The following PAFAH2 variants were observed in gnomAD, a reference collection of about 807,000 sequenced individuals.
PAFAH2 encodes the protein platelet-activating factor acetylhydrolase 2, cytoplasmic.
A neutral mutation model predicts 49.0 loss-of-function variants in PAFAH2; 42 were observed. The observed-to-expected ratio is 0.86, with a 90% confidence interval of 0.67 to 1.11. PAFAH2 has a LOEUF of 1.11. Among genes scored for constraint, PAFAH2 ranks in the 50% least tolerant of loss-of-function variants. The probability of loss-of-function intolerance (pLI) is 0.00; values close to 1 mark genes in which losing one functional copy is unlikely to be tolerated. For synonymous variants in PAFAH2, 184 were observed against 181.3 expected, an observed-to-expected ratio of 1.01 and a Z score of -0.12; for missense variants, 503 against 501.8, an observed-to-expected ratio of 1.00 and a Z score of -0.02.
chr1:25,997,122 G>A (rs2049947283), intron 1 of PAFAH2, among the ~76,000 whole-genome samples: 1 of 152,192 alleles, frequency 6.6e-6, no homozygotes, highest in Non-Finnish European at 1.5e-5. Context: ...TTTCATCACT[G>A]GCTATTTCAA....
chr1:25,966,549 A>G (rs2049426453), intron 10 of PAFAH2, among the ~76,000 whole-genome samples: 1 of 152,180 alleles, frequency 6.6e-6, no homozygotes, highest in Admixed American at 6.5e-5. Context: ...GCTGTCACTT[A>G]TAAGTGGGAG....
intron 10 of PAFAH2, among the ~76,000 whole-genome samples, chr1:25,964,607 C>T (rs551573761): frequency 4.6e-4 from 70 of 152,232 alleles, no homozygotes; most frequent in African/African-American, 1.7e-3. Context: ...AACAATCAAG[C>T]TGAGAACCCA....
intron 3 of PAFAH2, 76 bp downstream of exon 3, chr1:25,989,372 C>T: frequency 7.2e-7 from 1 of 1,398,466 alleles, no homozygotes; most frequent in Non-Finnish European, 9.6e-7. Context: ...CTATAAGGTA[C>T]TGCGTCCACC....
chr1:25,970,974 G>C (rs541526693), intron 10 of PAFAH2, among the ~76,000 whole-genome samples: 2 of 152,240 alleles, frequency 1.3e-5, no homozygotes, highest in African/African-American at 2.4e-5. Flanking sequence ...GAATTGAACC[G>C]GGACAGGTGG....
In PAFAH2 at chr1:25,984,526, G is replaced by A. The variant is rs1481773998; in HGVS notation, c.344C>T (p.Thr115Ile). 1 of 1,613,350 alleles carries A rather than the reference G, an allele frequency of 6.2e-7. No homozygotes were observed. Among genetic ancestry groups the A allele is most frequent in the Non-Finnish European group, 8.5e-7 (1 of 1,179,446 alleles). ...IFSHGLGAFRTLYSAFCMELA... is the reference protein window; with the variant it reads ...IFSHGLGAFRILYSAFCMELA... ...CTCCATGCAGAAGGCTGAATACAAA[G>A]TCCTGGAGATTCAAAAAGGAACAAG... The change falls in exon 5 of 11, where the codon ACT becomes ATT. Residue 115 changes from threonine to isoleucine, a missense_variant and splice_region_variant. By Grantham distance (89) the Thr-to-Ile change is moderately conservative. Transcript: ENST00000374282.
At chr1:25,972,918 T>C (rs114931430) in intron 9 of PAFAH2, among the ~76,000 whole-genome samples, 134 of 152,214 alleles carry the variant, frequency 8.8e-4, no homozygotes, top group African/African-American at 2.9e-3. Context: ...TAGTTGGGGA[T>C]GGAGTTAGGA....
intron 7 of PAFAH2, among the ~76,000 whole-genome samples, chr1:25,981,181 G>A (rs2049682815): frequency 6.6e-6 from 1 of 150,934 alleles, no homozygotes; most frequent in African/African-American, 2.4e-5. Flanking sequence ...TGAAAATAAG[G>A]CCACAAAACA....
At chr1:25,985,879 T>C (rs1452071524) in intron 4 of PAFAH2, among the ~76,000 whole-genome samples, 3 of 152,234 alleles carry the variant, frequency 2.0e-5, no homozygotes, top group Non-Finnish European at 4.4e-5. Flanking sequence ...ATGTCCCACC[T>C]TCCTCTCATG....
Position 25,960,651 on chromosome 1 carries a change from C to G in PAFAH2, c.*1338G>C, listed in dbSNP as rs921903067. The G allele has an allele frequency of 6.6e-6, 1 of 152,526 alleles. No homozygotes were observed. Among genetic ancestry groups the G allele is most frequent in the African/African-American group, 2.4e-5 (1 of 41,412 alleles). The allele number at this position is 152,526 out of a possible 1,614,324, so 9.4% of individuals were successfully genotyped here. A position where few individuals can be genotyped will look rare whatever the true frequency, so the allele number is the denominator to read the frequency against. On this transcript the variant is annotated 3_prime_UTR_variant, in exon 11 of 11. Transcript: ENST00000374282. ...TCTGACTTAAATTTGGGGCAAGGGC[C>G]TCAGAGCCAGAAAACAGACAATAAA...
chr1:25,961,672 G>C lies in PAFAH2; in HGVS notation c.*317C>G. The C allele has an allele frequency of 4.4e-6, 1 of 228,198 alleles. No individual in the cohort carries two copies. The highest frequency in any genetic ancestry group is 8.5e-6 in the Non-Finnish European group (1 of 117,182). 14.1% of individuals were successfully genotyped at this position (228,198 alleles called of 1,614,324 possible). On this transcript the variant is annotated 3_prime_UTR_variant, in exon 11 of 11. Coordinates refer to ENST00000374282, the MANE Select transcript of PAFAH2 (RefSeq NM_000437.4). ...GTAAGGGAATGAGCTTCGCTGGGCT[G>C]AGTCTTCACATCCAGGCCTCACAGT... is the stretch of plus-strand genomic sequence containing the variant.
rs150465206 is a variant in PAFAH2 at position 25,982,475 on chromosome 1, C to G, written c.555G>C (p.Val185=). 8 of 1,610,630 alleles carry G rather than the reference C, an allele frequency of 5.0e-6. No individual in the cohort carries two copies. Among genetic ancestry groups the G allele is most frequent in the Non-Finnish European group, 6.8e-6 (8 of 1,176,948 alleles). Residue 185 remains valine (V), a splice_region_variant and synonymous_variant, in exon 7 of 11, where the codon GTG becomes GTC. Transcript: ENST00000374282. ...EKEFHVRNPQ[V]HQRVSECLRV... is the part of the protein sequence containing the mutation. ...GTAAACACTCGCTTACCCGCTGATG[C>G]ACCTGCAACAGAGACAGTCCCAGTG...
intron 2 of PAFAH2, among the ~76,000 whole-genome samples, chr1:25,990,374 C>T (rs560929365): frequency 1.2e-4 from 19 of 152,144 alleles, no homozygotes; most frequent in Admixed American, 2.0e-4. Context: ...GGCACACGCC[C>T]ATGGCTCTTT....
In PAFAH2 at chr1:25,962,058, C is replaced by T. The variant is rs1372521115; in HGVS notation, c.1110G>A (p.Trp370Ter). ...GTCCAATGCCTTCAATAAGGTTGTT[C>T]CATTGATTATAGTCTTCTTTCAGGT... is the stretch of plus-strand genomic sequence containing the variant. ...HLDLKEDYNQ[W>*]NNLIEGIGPS... The change falls in exon 11 of 11, where the codon TGG (tryptophan) becomes TGA (stop). Residue 370 changes from tryptophan (W) to a stop codon, truncating the protein, a stop_gained. Coordinates refer to ENST00000374282, the MANE Select transcript of PAFAH2 (RefSeq NM_000437.4). LOFTEE classifies it high-confidence loss of function. The T allele has an allele frequency of 6.2e-7, 1 of 1,613,604 alleles. No individual in the cohort carries two copies. The highest frequency in any genetic ancestry group is 8.5e-7 in the Non-Finnish European group (1 of 1,179,780).
chr1:25,970,026 A>C (rs1026654881), intron 10 of PAFAH2, among the ~76,000 whole-genome samples: 23 of 152,340 alleles, frequency 1.5e-4, no homozygotes, highest in African/African-American at 5.3e-4. Context: ...AACAGGCAGA[A>C]ATATAAAAAT....
intron 10 of PAFAH2, among the ~76,000 whole-genome samples, chr1:25,968,002 C>T (rs149372470): frequency 0.023 from 3,527 of 151,970 alleles, 127 homozygotes; most frequent in African/African-American, 0.077. Flanking sequence ...TCCATCTCTA[C>T]TAAAAATGCA....
intron 1 of PAFAH2, among the ~76,000 whole-genome samples, chr1:25,995,104 C>T (rs1031268938): frequency 6.6e-6 from 1 of 152,150 alleles, no homozygotes; most frequent in African/African-American, 2.4e-5. Flanking sequence ...CCTTCTTTTG[C>T]TCACTTTGTC....
chr1:25,988,086 C>A (rs1476943138), intron 4 of PAFAH2, 145 bp downstream of exon 4: 2 of 590,166 alleles, frequency 3.4e-6, no homozygotes, highest in Non-Finnish European at 6.0e-6. Flanking sequence ...GGAAGGTGAA[C>A]CCAATGCTAT....
chr1:25,988,471 TCA>T (rs1165728092), intron 3 of PAFAH2, 144 bp from the exon 4 acceptor site: 1 of 609,050 alleles, frequency 1.6e-6, no homozygotes, highest in African/African-American at 2.0e-5. Flanking sequence ...GGGCAGTTAA[TCA>T]CCTATTTCTT....
chr1:25,971,627 G>T (rs1272612503), intron 10 of PAFAH2, among the ~76,000 whole-genome samples: 2 of 152,146 alleles, frequency 1.3e-5, no homozygotes, highest in Admixed American at 1.3e-4. Context: ...AGTCCTGCCA[G>T]CCACCCTGAT....
Sources: gnomAD v4.1 joint callset for allele counts (sites outside exome capture counted in the v4.1 genomes callset) on GRCh38, gnomAD v4.1.1 for gene constraint, MANE v1.5 for transcripts, NCBI Gene and HGNC (gene_info 2026-07-23, HGNC 2026-07-21) for gene names.